Variants in SOX5 observed in about 807,000 individuals in gnomAD.
SOX5 encodes SRY-box transcription factor 5.
Under a neutral mutation model 92.0 loss-of-function variants are expected in SOX5, and 9 were observed. That is an observed-to-expected ratio of 0.10 (90% confidence interval 0.06 to 0.17). SOX5 has a LOEUF of 0.17. Among genes scored for constraint, SOX5 ranks in the 10% least tolerant of loss-of-function variants. The pLI, the probability that SOX5 is intolerant of heterozygous loss-of-function variation, is 1.00. For synonymous variants in SOX5, 344 were observed against 336.3 expected (o/e 1.02, Z -0.25); for missense variants, 642 against 944.5 (o/e 0.68, Z 4.20).
intron 4 of SOX5, among the ~76,000 whole-genome samples, chr12:24,001,100 A>T (rs1462759368): frequency 6.6e-6 from 1 of 152,134 alleles, no homozygotes; most frequent in Non-Finnish European, 1.5e-5. Flanking sequence ...ACTAGATTTT[A>T]AAAAAATTGA....
chr12:23,866,132 A>G (rs1470808071), intron 2 of SOX5, among the ~76,000 whole-genome samples: 1 of 152,210 alleles, frequency 6.6e-6, no homozygotes, highest in Non-Finnish European at 1.5e-5. Context: ...AGAACATTCC[A>G]TATCTCTGAG....
In SOX5 at chr12:23,534,163, A is replaced by G. The variant is rs1434381516; in HGVS notation, c.*56T>C. On this transcript the variant is annotated 3_prime_UTR_variant, in exon 15 of 15. Transcript: ENST00000451604. ...TTAATGTGCTTGGCCACTGGTAAGGATGAACCAGTTAGGGCTTCTTTAAGT... is the reference window on the plus strand; with the variant it reads ...TTAATGTGCTTGGCCACTGGTAAGGGTGAACCAGTTAGGGCTTCTTTAAGT... The G allele has an allele frequency of 6.9e-7, 1 of 1,454,360 alleles. No individual in the cohort carries two copies. The highest frequency in any genetic ancestry group is 9.5e-7 in the Non-Finnish European group (1 of 1,049,208). The allele number at this position is 1,454,360 out of a possible 1,614,324, so 90.1% of individuals were successfully genotyped here.
chr12:24,422,988 G>A (rs905511127), intron 1 of SOX5, among the ~76,000 whole-genome samples: 1 of 152,176 alleles, frequency 6.6e-6, no homozygotes, highest in African/African-American at 2.4e-5. Context: ...TCCAGCCTGG[G>A]TGACAGAGTG....
intron 2 of SOX5, among the ~76,000 whole-genome samples, chr12:23,871,790 A>G (rs2096874773): frequency 6.6e-6 from 1 of 152,118 alleles, no homozygotes; most frequent in South Asian, 2.1e-4. Context: ...TTCTAAAAGA[A>G]ATCAAAACAG....
intron 4 of SOX5, among the ~76,000 whole-genome samples, chr12:24,022,854 A>G (rs576634949): frequency 6.6e-6 from 1 of 152,088 alleles, no homozygotes; most frequent in African/African-American, 2.4e-5. Flanking sequence ...CTTTAATAAC[A>G]CACTGGAAAA....
chr12:24,280,832 T>G (rs917900266), intron 2 of SOX5, among the ~76,000 whole-genome samples: 5 of 81,880 alleles, frequency 6.1e-5, no homozygotes, highest in African/African-American at 2.5e-4. Flanking sequence ...AGTATTAAGG[T>G]TTTTTTTTTT....
chr12:23,687,060 G>T (rs2087731169), intron 6 of SOX5, among the ~76,000 whole-genome samples: 1 of 152,014 alleles, frequency 6.6e-6, no homozygotes, highest in Non-Finnish European at 1.5e-5. Context: ...TATGTTAAGA[G>T]ATTCTGTATA....
intron 4 of SOX5, among the ~76,000 whole-genome samples, chr12:24,054,845 C>T (rs1299801830): frequency 6.6e-6 from 1 of 152,070 alleles, no homozygotes; most frequent in African/African-American, 2.4e-5. Context: ...AGAGGTATAA[C>T]CTTGTTTAAA....
Position 24,401,111 on chromosome 12 carries a change from T to G in SOX5, c.-250-32472A>C, listed in dbSNP as rs189151349. 2.7e-3 allele frequency among the ~76,000 whole-genome samples: 417 copies of G among 152,214 alleles called. 1 individual carries two copies. The highest frequency in any genetic ancestry group is 9.6e-3 in the African/African-American group (397 of 41,548). Reference sequence around the variant, plus strand: ...GCTCATGCTTGTAATCCCAGCACTTTGGGAGGCTGAGGCGGGCAGATCATG... The same window carrying G: ...GCTCATGCTTGTAATCCCAGCACTTGGGGAGGCTGAGGCGGGCAGATCATG... On this transcript the variant is annotated intron_variant, in intron 1 of 4. Coordinates refer to the SOX5 transcript ENST00000446891.
chr12:23,637,027 T>C (rs890215793), intron 8 of SOX5, among the ~76,000 whole-genome samples: 29 of 152,210 alleles, frequency 1.9e-4, no homozygotes, highest in Non-Finnish European at 3.1e-4. Flanking sequence ...TCCATAACCA[T>C]GGGTGATATT....
Position 23,715,533 on chromosome 12 carries a change from T to C in SOX5, c.810+19151A>G, listed in dbSNP as rs540594123. Among the ~76,000 whole-genome samples the C allele has an allele frequency of 2.0e-5, 3 of 152,258 alleles. No individual in the cohort carries two copies. In the South Asian group the frequency reaches 6.2e-4, roughly 32 times the overall value. ...CATTTAAAAGTTCATACAGAAATTA[T>C]ATACTTACTTCTACTCCTCAGAGAG... On this transcript the variant is annotated intron_variant, in intron 6 of 14. Coordinates refer to ENST00000451604, the MANE Select transcript of SOX5 (RefSeq NM_006940.6).
At chr12:24,157,664 C>G (rs1289513696) in intron 4 of SOX5, among the ~76,000 whole-genome samples, 2 of 152,080 alleles carry the variant, frequency 1.3e-5, no homozygotes, top group East Asian at 3.9e-4. Context: ...ATTAGACAAC[C>G]TGTCCTAATA....
At chr12:24,066,868 A>G in intron 4 of SOX5, among the ~76,000 whole-genome samples, 1 of 152,196 alleles carries the variant, frequency 6.6e-6, no homozygotes, top group Non-Finnish European at 1.5e-5. Flanking sequence ...GTGGTCAGAG[A>G]TTTTATTTCA....
intron 4 of SOX5, among the ~76,000 whole-genome samples, chr12:24,137,340 A>C (rs1295452517): frequency 6.6e-6 from 1 of 152,100 alleles, no homozygotes; most frequent in East Asian, 1.9e-4. Flanking sequence ...TGAGCTGTGA[A>C]ACTCTTTCTA....
intron 4 of SOX5, among the ~76,000 whole-genome samples, chr12:24,135,050 C>T (rs117506269): frequency 2.6e-4 from 39 of 152,266 alleles, no homozygotes; most frequent in South Asian, 2.1e-4. Flanking sequence ...AACAAACTAA[C>T]AAAACAGAAA....
chr12:23,988,477 T>A (rs1314604554), intron 4 of SOX5, among the ~76,000 whole-genome samples: 3 of 152,200 alleles, frequency 2.0e-5, no homozygotes, highest in Admixed American at 6.5e-5. Context: ...TTGTATTCGC[T>A]TCTTTGGATC....
In SOX5 at chr12:24,053,878, G is replaced by T. The variant is rs779168745; in HGVS notation, c.-1-157854C>A. 7.8e-4 allele frequency among the ~76,000 whole-genome samples: 118 copies of T among 152,108 alleles called. 1 individual carries two copies. The highest frequency in any genetic ancestry group is 2.1e-4 in the Non-Finnish European group (14 of 68,030). On this transcript the variant is annotated intron_variant, in intron 4 of 4. Coordinates refer to the SOX5 transcript ENST00000446891. ...TCTTTATAGCAACCTAACATAGCAG[G>T]TATGATTACTGCTTTTGTAAGAATA... is the stretch of plus-strand genomic sequence containing the variant.
At chr12:23,933,852 A>G (rs1388712606) in intron 1 of SOX5, among the ~76,000 whole-genome samples, 1 of 151,574 alleles carries the variant, frequency 6.6e-6, no homozygotes, top group Admixed American at 6.6e-5. Flanking sequence ...GCAAGAATAC[A>G]ACTCAGTCAA....
intron 7 of SOX5, among the ~76,000 whole-genome samples, chr12:23,650,802 G>T (rs1289844416): frequency 6.6e-6 from 1 of 152,102 alleles, no homozygotes; most frequent in Non-Finnish European, 1.5e-5. Context: ...TGAAGACAAC[G>T]TTAAGTCACT....
Sources: allele counts gnomAD v4.1 joint callset (sites outside exome capture counted in the v4.1 genomes callset), GRCh38; gene constraint gnomAD v4.1.1; transcripts MANE v1.5; gene names NCBI Gene and HGNC (gene_info 2026-07-23, HGNC 2026-07-21).